Variants in FERRY3 observed in about 807,000 individuals in gnomAD.
The protein encoded by FERRY3 is protein C12orf4.
the FERRY3 span, among the ~76,000 whole-genome samples, chr12:4,505,686 A>T: frequency 6.6e-6 from 1 of 152,228 alleles, no homozygotes; most frequent in Non-Finnish European, 1.5e-5. Flanking sequence ...TTTAATTCAC[A>T]TACTCAGATT....
the FERRY3 span, among the ~76,000 whole-genome samples, chr12:4,509,546 G>A: frequency 1.3e-5 from 2 of 149,186 alleles, no homozygotes; most frequent in African/African-American, 2.6e-5. Flanking sequence ...CGCGGCTGGA[G>A]ATCTGAGAAC....
chr12:4,494,636 A>G, the FERRY3 span, among the ~76,000 whole-genome samples: 1 of 152,240 alleles, frequency 6.6e-6, no homozygotes, highest in East Asian at 1.9e-4. Context: ...AAATGACCAT[A>G]TATGTATGGA....
At chr12:4,495,618 A>C in the FERRY3 span, among the ~76,000 whole-genome samples, 1 of 152,232 alleles carries the variant, frequency 6.6e-6, no homozygotes, top group African/African-American at 2.4e-5. Context: ...TAATGGTAAT[A>C]ATGAAAGATT....
the FERRY3 span, chr12:4,518,036 A>G: frequency 6.3e-7 from 1 of 1,576,578 alleles, no homozygotes; most frequent in Non-Finnish European, 8.7e-7. Context: ...TAACAAAATA[A>G]ATGTGTATGA....
At chr12:4,518,830 A>G in the FERRY3 span, 1 of 1,595,528 alleles carries the variant, frequency 6.3e-7, no homozygotes, top group Non-Finnish European at 8.5e-7. Context: ...AATCCTTCCA[A>G]TTGCTTCTAC....
the FERRY3 span, among the ~76,000 whole-genome samples, chr12:4,515,313 G>C: frequency 2.0e-5 from 3 of 152,112 alleles, no homozygotes; most frequent in Non-Finnish European, 4.4e-5. Flanking sequence ...CTTATGATCC[G>C]GCAACTCCAC....
the FERRY3 span, chr12:4,517,238 A>T: frequency 6.2e-6 from 9 of 1,440,492 alleles, no homozygotes; most frequent in African/African-American, 1.3e-4. Flanking sequence ...ACTATCAAAT[A>T]TTTAGTATTT....
At chr12:4,490,098 T>C in the FERRY3 span, among the ~76,000 whole-genome samples, 25 of 152,176 alleles carry the variant, frequency 1.6e-4, no homozygotes, top group Admixed American at 2.6e-4. Context: ...TGAGAACTTA[T>C]GTCATTTCTG....
chr12:4,509,495 C>T, the FERRY3 span: 1 of 150,706 alleles, frequency 6.6e-6, no homozygotes, highest in East Asian at 1.9e-4. Flanking sequence ...CTTAAATGTC[C>T]CTGTCTGACA....
At chr12:4,529,869 C>A in the FERRY3 span, 2 of 1,570,264 alleles carry the variant, frequency 1.3e-6, no homozygotes, top group African/African-American at 1.4e-5. Flanking sequence ...TTTGAAATAC[C>A]TCTCTCGTAA....
At chr12:4,504,528 G>A in the FERRY3 span, among the ~76,000 whole-genome samples, 1 of 152,094 alleles carries the variant, frequency 6.6e-6, no homozygotes, top group African/African-American at 2.4e-5. Flanking sequence ...AAGAGGAAAT[G>A]AAAATAAAAT....
the FERRY3 span, chr12:4,535,987 G>C: frequency 2.7e-6 from 4 of 1,482,390 alleles, no homozygotes; most frequent in East Asian, 9.8e-5. The surrounding 1 kb of genome is among the most constrained non-coding windows in gnomAD (Gnocchi z 4.0). Context: ...TAATAAAGTG[G>C]TGTTACTTAA....
chr12:4,493,985 T>C, the FERRY3 span, among the ~76,000 whole-genome samples: 2 of 151,854 alleles, frequency 1.3e-5, no homozygotes, highest in Non-Finnish European at 1.5e-5. Flanking sequence ...CCCAGCTACT[T>C]GGGAGGATGA....
the FERRY3 span, among the ~76,000 whole-genome samples, chr12:4,521,404 A>G: frequency 3.3e-5 from 5 of 152,124 alleles, no homozygotes; most frequent in Non-Finnish European, 5.9e-5. Flanking sequence ...AGAGACAACC[A>G]GAAAAGCAAG....
the FERRY3 span, among the ~76,000 whole-genome samples, chr12:4,514,063 C>T: frequency 1.3e-5 from 2 of 150,800 alleles, no homozygotes; most frequent in Middle Eastern, 3.4e-3. Flanking sequence ...AAACAAACAA[C>T]CCCATCAAAA....
the FERRY3 span, among the ~76,000 whole-genome samples, chr12:4,515,732 G>A: frequency 6.6e-6 from 1 of 152,088 alleles, no homozygotes; most frequent in Non-Finnish European, 1.5e-5. Context: ...TCTAATGTAT[G>A]ACAATGTGAT....
the FERRY3 span, among the ~76,000 whole-genome samples, chr12:4,511,477 A>G: frequency 6.6e-6 from 1 of 151,968 alleles, no homozygotes; most frequent in Non-Finnish European, 1.5e-5. Context: ...AAAATTGACC[A>G]CATAGTTGGA....
the FERRY3 span, among the ~76,000 whole-genome samples, chr12:4,492,001 G>A: frequency 6.6e-6 from 1 of 152,102 alleles, no homozygotes; most frequent in East Asian, 1.9e-4. Flanking sequence ...GATTGCTTGA[G>A]TCCAAGAGTT....
At chr12:4,534,871 ATAAAG>A in the FERRY3 span, among the ~76,000 whole-genome samples, 288 of 152,354 alleles carry the variant, frequency 1.9e-3, 1 homozygote, top group African/African-American at 6.6e-3. Context: ...CTTGATACTA[ATAAAG>A]TAATGTTACT....
Sources: gnomAD v4.1 joint callset for allele counts (sites outside exome capture counted in the v4.1 genomes callset) on GRCh38, gnomAD v4.1.1 for gene constraint, Gnocchi (gnomAD v3.1) non-coding constraint, MANE v1.5 for transcripts, NCBI Gene and HGNC (gene_info 2026-07-23, HGNC 2026-07-21) for gene names.